DNAI4: variants seen among roughly 807,000 people sequenced by gnomAD.
DNAI4 encodes dynein axonemal intermediate chain 4, also known as WD repeat domain 78.
Under a neutral mutation model 105.8 loss-of-function variants are expected in DNAI4, and 85 were observed. The observed-to-expected ratio is 0.80, with a 90% CI of 0.67 to 0.96. The LOEUF is 0.96. DNAI4 is among the 40% of genes least tolerant of loss of function. The pLI is 0.00. For synonymous variants in DNAI4, 352 were observed against 331.5 expected (o/e 1.06, Z -0.67); for missense variants, 1,014 against 1,005.6 (o/e 1.01, Z -0.11).
chr1:66,866,951 C>A (rs1646746959), intron 6 of DNAI4, among the ~76,000 whole-genome samples: 7 of 152,152 alleles, frequency 4.6e-5, no homozygotes, highest in Admixed American at 4.6e-4. Flanking sequence ...TCTTGCATGG[C>A]AGCAGGTGAG....
chr1:66,845,218 A>AAAAAAAAAAAAAAAAAAAAAAAAAAAAT (rs1646251781), intron 8 of DNAI4, among the ~76,000 whole-genome samples: 1 of 20,448 alleles, frequency 4.9e-5, no homozygotes, highest in Non-Finnish European at 1.6e-4. Flanking sequence ...AAGAAAAATT[A>AAAAAAAAAAAAAAAAAAAAAAAAAAAAT]AAAAAAAAAA....
In DNAI4 at chr1:66,857,923, A is replaced by G. The variant is rs117974504; in HGVS notation, c.1096+4224T>C. Among the ~76,000 whole-genome samples, 698 of 152,216 alleles carry G rather than the reference A, an allele frequency of 4.6e-3. 30 individuals carry two copies. The East Asian group carries it at 0.079, about 17-fold the overall frequency. On this transcript the variant is annotated intron_variant, in intron 7 of 16. Transcript: ENST00000371026. ...AATGTATAACTTAGATTGAAATGGAACAATTCCTTAAAAGGCACAAACTAC... is the reference window on the plus strand; with the variant it reads ...AATGTATAACTTAGATTGAAATGGAGCAATTCCTTAAAAGGCACAAACTAC...
In DNAI4 at chr1:66,890,889, A is replaced by AAGCAGCAGCAGCAACAGCAGCAGC; in HGVS notation, c.643+241_643+264dup. 3 of 493,242 alleles carry AAGCAGCAGCAGCAACAGCAGCAGC rather than the reference A, an allele frequency of 6.1e-6. No homozygotes were observed. The highest frequency in any genetic ancestry group is 5.9e-5 in the African/African-American group (3 of 50,570). 30.6% of individuals were successfully genotyped at this position (493,242 alleles called of 1,614,324 possible). A position where few individuals can be genotyped will look rare whatever the true frequency, so the allele number is the denominator to read the frequency against. On this transcript the variant is annotated intron_variant, in intron 4 of 16. Coordinates refer to ENST00000371026, the MANE Select transcript of DNAI4 (RefSeq NM_024763.5). This position sits in a 1 kb window ranked among gnomAD's most constrained non-coding sequence, Gnocchi z 4.1. ...GAGGAAGAAGAAGAAGAAGAAGCAG[A>AAGCAGCAGCAGCAACAGCAGCAGC]AGCAGCAGCAGCAACAGCAGCAGCA...
At chr1:66,816,989 A>G (rs1557890002) in intron 16 of DNAI4, among the ~76,000 whole-genome samples, 1 of 152,156 alleles carries the variant, frequency 6.6e-6, no homozygotes, top group Non-Finnish European at 1.5e-5. Flanking sequence ...ACTTACATAT[A>G]TTATAACATA....
At chr1:66,842,696 C>A (rs1436896882) in intron 8 of DNAI4, among the ~76,000 whole-genome samples, 1 of 152,102 alleles carries the variant, frequency 6.6e-6, no homozygotes, top group Non-Finnish European at 1.5e-5. Context: ...CACACCCAGA[C>A]AAGAGTATGT....
intron 13 of DNAI4, 114 bp downstream of exon 13, chr1:66,833,471 T>C: frequency 8.2e-7 from 1 of 1,218,978 alleles, no homozygotes; most frequent in Admixed American, 2.7e-5. Context: ...GTCTCTAATA[T>C]ATTAGGCACA....
chr1:66,837,365 A>C (rs1423422995), intron 10 of DNAI4, among the ~76,000 whole-genome samples: 3 of 48,912 alleles, frequency 6.1e-5, no homozygotes, highest in Admixed American at 6.0e-4. Flanking sequence ...ACTCTGTCTC[A>C]AAAAAAAAAA....
At chr1:66,815,704 C>G (rs766485137) in intron 16 of DNAI4, among the ~76,000 whole-genome samples, 13 of 152,210 alleles carry the variant, frequency 8.5e-5, no homozygotes, top group Non-Finnish European at 2.9e-5. Context: ...CCATAATTCT[C>G]TACAGCTCAA....
chr1:66,891,463 A>G (rs139080868), intron 3 of DNAI4, among the ~76,000 whole-genome samples, 197 bp from the exon 4 acceptor site: 346 of 152,086 alleles, frequency 2.3e-3, no homozygotes, highest in African/African-American at 7.9e-3. Flanking sequence ...ATTTATTTGT[A>G]TCTTTATTTA....
intron 1 of DNAI4, among the ~76,000 whole-genome samples, chr1:66,918,592 A>G (rs1042176872): frequency 4.6e-5 from 7 of 152,166 alleles, no homozygotes; most frequent in Non-Finnish European, 7.3e-5. Flanking sequence ...AATATAGCCT[A>G]TATCAATTTT....
chr1:66,908,703 C>T (rs1326103294), intron 1 of DNAI4, among the ~76,000 whole-genome samples: 1 of 152,132 alleles, frequency 6.6e-6, no homozygotes, highest in African/African-American at 2.4e-5. Context: ...AAGAAAAATA[C>T]CCAACTATGA....
At chr1:66,860,096 C>A (rs1037124249) in intron 7 of DNAI4, among the ~76,000 whole-genome samples, 3 of 152,032 alleles carry the variant, frequency 2.0e-5, no homozygotes, top group African/African-American at 7.2e-5. Context: ...TTTTATGGAG[C>A]TCTTGGTACT....
intron 6 of DNAI4, among the ~76,000 whole-genome samples, chr1:66,864,928 G>A (rs1646700899): frequency 6.6e-6 from 1 of 152,208 alleles, no homozygotes; most frequent in Non-Finnish European, 1.5e-5. Context: ...GTTGTGATAG[G>A]ACAGTGTACA....
intron 1 of DNAI4, among the ~76,000 whole-genome samples, chr1:66,916,086 A>G (rs1650050750): frequency 6.6e-6 from 1 of 150,688 alleles, no homozygotes; most frequent in Non-Finnish European, 1.5e-5. Flanking sequence ...CTCTGTCTAA[A>G]AAAAAAAAAA....
chr1:66,921,074 G>A (rs547637200), intron 1 of DNAI4, among the ~76,000 whole-genome samples: 12 of 152,324 alleles, frequency 7.9e-5, no homozygotes, highest in African/African-American at 2.4e-4. Context: ...TTTTGTAACT[G>A]TAAGACTATG....
intron 15 of DNAI4, among the ~76,000 whole-genome samples, chr1:66,825,427 C>T (rs1239427701): frequency 1.3e-5 from 2 of 151,596 alleles, no homozygotes; most frequent in African/African-American, 2.4e-5. Flanking sequence ...ATGATCCACC[C>T]GCCTCGGCCT....
Position 66,826,882 on chromosome 1 carries a change from T to C in DNAI4, c.2277A>G (p.Ser759=). ...VVYDVAWSPK[S]SYIFAAANEN... ...CATTTGCAGCTGCAAATATATAGGA[T>C]GATTTTGGAGACCAGGCAACGTCGT... The change falls in exon 15 of 17, where the codon TCA becomes TCG. Residue 759 remains serine, a synonymous_variant. Transcript: ENST00000371026. 4 of 1,614,150 alleles carry C rather than the reference T, an allele frequency of 2.5e-6. No individual in the cohort carries two copies. The highest frequency in any genetic ancestry group is 1.1e-5 in the South Asian group (1 of 91,084).
At chr1:66,881,302 A>T (rs191191740) in intron 4 of DNAI4, among the ~76,000 whole-genome samples, 2 of 152,326 alleles carry the variant, frequency 1.3e-5, no homozygotes, top group African/African-American at 4.8e-5. Context: ...TGGTAGATCC[A>T]CTGACAGCTT....
intron 1 of DNAI4, among the ~76,000 whole-genome samples, chr1:66,912,661 A>G (rs555859197): frequency 2.7e-4 from 41 of 152,238 alleles, no homozygotes; most frequent in African/African-American, 9.6e-4. Context: ...TCTTCGGCAC[A>G]TGTTTCCAGG....
Sources: gnomAD v4.1 joint callset for allele counts (sites outside exome capture counted in the v4.1 genomes callset) on GRCh38, gnomAD v4.1.1 for gene constraint, Gnocchi (gnomAD v3.1) non-coding constraint, MANE v1.5 for transcripts, NCBI Gene and HGNC (gene_info 2026-07-23, HGNC 2026-07-21) for gene names.